Variants in SSBP2 observed in about 807,000 individuals in gnomAD.
SSBP2 encodes the protein single stranded DNA binding protein 2, also known as single-stranded DNA-binding protein 2.
SSBP2 carries 17 observed loss-of-function variants against 61.8 expected under a neutral mutation model. The ratio of observed to expected loss-of-function variants is 0.28; its 90% CI spans 0.19 to 0.41. The LOEUF is 0.41. Among genes scored for constraint, SSBP2 ranks in the 10% least tolerant of loss-of-function variants. The probability of loss-of-function intolerance (pLI) is 1.00; values close to 1 mark genes in which losing one functional copy is unlikely to be tolerated. For missense variants in SSBP2, 310 were observed against 458.7 expected (o/e 0.68, Z 2.96); for synonymous variants, 139 against 141.3 (o/e 0.98, Z 0.12).
chr5:81,527,679 G>A (rs1770053319), intron 4 of SSBP2, among the ~76,000 whole-genome samples: 1 of 151,652 alleles, frequency 6.6e-6, no homozygotes. Context: ...AAATTAATGT[G>A]TTCTAATGAG....
chr5:81,545,892 C>G (rs1355078239), intron 4 of SSBP2, among the ~76,000 whole-genome samples: 4 of 152,130 alleles, frequency 2.6e-5, no homozygotes, highest in African/African-American at 9.7e-5. Context: ...GGCCTTTGCT[C>G]CCAGAATCCA....
chr5:81,604,356 T>C (rs772449020), intron 4 of SSBP2, among the ~76,000 whole-genome samples: 11 of 151,662 alleles, frequency 7.3e-5, no homozygotes, highest in Non-Finnish European at 1.6e-4. Context: ...TGAAAAGAAA[T>C]TCTTAAATGT....
chr5:81,699,839 T>C (rs970300331), intron 1 of SSBP2, among the ~76,000 whole-genome samples: 4 of 150,700 alleles, frequency 2.7e-5, no homozygotes, highest in Non-Finnish European at 5.9e-5. Flanking sequence ...ACAGATAGCT[T>C]TACAAAATCA....
chr5:81,614,394 T>C (rs1745796821), intron 4 of SSBP2, among the ~76,000 whole-genome samples: 1 of 146,384 alleles, frequency 6.8e-6, no homozygotes, highest in East Asian at 2.1e-4. Context: ...AATTGCACAG[T>C]CCCTGCCAGG....
At chr5:81,747,623 T>C (rs1215894051) in intron 1 of SSBP2, among the ~76,000 whole-genome samples, 1 of 152,144 alleles carries the variant, frequency 6.6e-6, no homozygotes, top group Non-Finnish European at 1.5e-5. Flanking sequence ...AAAAAAATTT[T>C]TTTACATTGA....
At chr5:81,576,100 G>A (rs1018022199) in intron 4 of SSBP2, among the ~76,000 whole-genome samples, 3 of 151,964 alleles carry the variant, frequency 2.0e-5, no homozygotes, top group Non-Finnish European at 2.9e-5. Flanking sequence ...TACTTAGCTA[G>A]TTTGTGCATA....
chr5:81,578,666 A>G (rs1255599092), intron 4 of SSBP2, among the ~76,000 whole-genome samples: 1 of 152,046 alleles, frequency 6.6e-6, no homozygotes, highest in African/African-American at 2.4e-5. Flanking sequence ...AGTAAATTAT[A>G]AAAGTAAGTT....
chr5:81,537,665 ATC>A (rs1770915562), intron 4 of SSBP2, among the ~76,000 whole-genome samples: 1 of 152,280 alleles, frequency 6.6e-6, no homozygotes, highest in East Asian at 1.9e-4. Context: ...TTATCATTAT[ATC>A]TGTTACGATT....
intron 1 of SSBP2, among the ~76,000 whole-genome samples, chr5:81,684,304 A>G (rs920213983): frequency 6.6e-6 from 1 of 152,212 alleles, no homozygotes; most frequent in Non-Finnish European, 1.5e-5. Flanking sequence ...GACACAGAGG[A>G]AACTTAAACA....
chr5:81,749,273 T>C (rs1332001357), intron 1 of SSBP2, among the ~76,000 whole-genome samples: 1 of 152,130 alleles, frequency 6.6e-6, no homozygotes, highest in Non-Finnish European at 1.5e-5. Context: ...AGAAAATATC[T>C]CTTGCAAAAA....
chr5:81,659,577 T>C (rs1581272322), intron 1 of SSBP2, among the ~76,000 whole-genome samples: 1 of 152,038 alleles, frequency 6.6e-6, no homozygotes, highest in Non-Finnish European at 1.5e-5. Flanking sequence ...ATCATGAAAA[T>C]GGCAATACTG....
intron 16 of SSBP2, among the ~76,000 whole-genome samples, chr5:81,425,494 T>C (rs965576049): frequency 1.3e-5 from 2 of 152,250 alleles, no homozygotes; most frequent in Non-Finnish European, 2.9e-5. Flanking sequence ...ATTATTTTAA[T>C]ATCATGTTTA....
chr5:81,629,040 G>A (rs1747449358), intron 3 of SSBP2, among the ~76,000 whole-genome samples: 2 of 151,826 alleles, frequency 1.3e-5, no homozygotes, highest in African/African-American at 4.8e-5. Context: ...AGGCTGGAGT[G>A]CAGTGGTGCA....
chr5:81,738,948 C>T (rs189357649), intron 1 of SSBP2, among the ~76,000 whole-genome samples: 3 of 151,896 alleles, frequency 2.0e-5, no homozygotes, highest in Admixed American at 1.3e-4. Flanking sequence ...GTGGATCACT[C>T]GAGGTCAGGA....
At chr5:81,460,601 A>G (rs1160986141) in intron 10 of SSBP2, among the ~76,000 whole-genome samples, 1 of 152,206 alleles carries the variant, frequency 6.6e-6, no homozygotes. Context: ...GTAAATATGC[A>G]TTTGCTTTCT....
chr5:81,690,990 T>C (rs1235769777), intron 1 of SSBP2, among the ~76,000 whole-genome samples: 6 of 151,890 alleles, frequency 4.0e-5, no homozygotes, highest in African/African-American at 1.2e-4. Flanking sequence ...GTGAAGAAAT[T>C]AAGAAGGAAA....
At chr5:81,627,406 A>G (rs776683249) in intron 3 of SSBP2, among the ~76,000 whole-genome samples, 1 of 152,150 alleles carries the variant, frequency 6.6e-6, no homozygotes, top group Non-Finnish European at 1.5e-5. Context: ...ACCCAACTCA[A>G]ATAGTTATTA....
At chr5:81,573,992 T>A (rs1475363025) in intron 4 of SSBP2, among the ~76,000 whole-genome samples, 1 of 151,546 alleles carries the variant, frequency 6.6e-6, no homozygotes, top group Admixed American at 6.6e-5. Flanking sequence ...ACAGAAAAAA[T>A]TAGCCAGGCG....
chr5:81,719,006 TC>T (rs1264803589), intron 1 of SSBP2, among the ~76,000 whole-genome samples: 1 of 152,188 alleles, frequency 6.6e-6, no homozygotes, highest in African/African-American at 2.4e-5. Flanking sequence ...TTGTCCATTT[TC>T]CCCCGTTTAC....
Sources: gnomAD v4.1 joint callset for allele counts (sites outside exome capture counted in the v4.1 genomes callset) on GRCh38, gnomAD v4.1.1 for gene constraint, MANE v1.5 for transcripts, NCBI Gene and HGNC (gene_info 2026-07-23, HGNC 2026-07-21) for gene names.